Variants in ELMOD3 observed in about 807,000 individuals in gnomAD.
ELMOD3 encodes the protein ELMO domain containing 3.
A neutral mutation model predicts 47.4 loss-of-function variants in ELMOD3; 36 were observed. The ratio of observed to expected loss-of-function variants is 0.76; its 90% CI spans 0.58 to 1.00. The LOEUF (loss-of-function observed/expected upper bound fraction) is 1.00. Ranked by LOEUF, ELMOD3 falls within the 50% of genes least tolerant of loss-of-function variation. The pLI is 0.00. For synonymous variants in ELMOD3, 149 were observed against 183.5 expected, an observed-to-expected ratio of 0.81 and a Z score of 1.52; for missense variants, 404 against 463.8, an observed-to-expected ratio of 0.87 and a Z score of 1.18.
At chr2:85,356,671 A>C (rs1321003400) in intron 3 of ELMOD3, 1 of 152,406 alleles carries the variant, frequency 6.6e-6, no homozygotes, top group Non-Finnish European at 1.5e-5. Context: ...TCACGAGGTC[A>C]GGAGTTCAAG....
chr2:85,391,069 G>A lies in ELMOD3; in HGVS notation c.*107G>A, dbSNP rs76766109. On this transcript the variant is annotated 3_prime_UTR_variant, in exon 14 of 14. Transcript: ENST00000409013. ...GGCCGCACCCCTTGCTGTCTCAGCA[G>A]ATGGGATATAGGAAGCTCCTGGGCT... 2,077 of 1,136,510 alleles carry A rather than the reference G, an allele frequency of 1.8e-3. 26 individuals carry two copies. The African/African-American group carries it at 0.029, about 16-fold the overall frequency. 70.4% of individuals were successfully genotyped at this position (1,136,510 alleles called of 1,614,324 possible).
At position 85,377,823 on chromosome 2, in the gene ELMOD3, C is replaced by T. The variant is rs575823749; in HGVS notation, c.738+349C>T. 5.9e-5 allele frequency among the ~76,000 whole-genome samples: 9 copies of T among 152,294 alleles called. No individual in the cohort carries two copies. The South Asian group carries it at 8.3e-4, about 14-fold the overall frequency. On this transcript the variant is annotated intron_variant, in intron 11 of 13. Coordinates refer to ENST00000409013, the MANE Select transcript of ELMOD3 (RefSeq NM_001135022.2). The stretch of plus-strand genomic sequence containing the variant: ...GGTACACTCACTAGCAGTTTTGCCA[C>T]GAGAGTACACTGAATAAATGAGACA...
intron 11 of ELMOD3, among the ~76,000 whole-genome samples, chr2:85,387,818 A>G (rs1686047082): frequency 6.6e-6 from 1 of 152,166 alleles, no homozygotes; most frequent in Non-Finnish European, 1.5e-5. Context: ...GTATAGTTAT[A>G]CTTAACAGTT....
At chr2:85,355,689 G>T (rs1011554006) in intron 3 of ELMOD3, 91 bp downstream of exon 3, 1 of 152,154 alleles carries the variant, frequency 6.6e-6, no homozygotes, top group Non-Finnish European at 1.5e-5. Context: ...TACCATACCC[G>T]CCTGTCACCT....
intron 11 of ELMOD3, among the ~76,000 whole-genome samples, chr2:85,386,074 TC>T (rs1220766080): frequency 6.6e-6 from 1 of 152,034 alleles, no homozygotes; most frequent in African/African-American, 2.4e-5. Flanking sequence ...GCTTAGACTC[TC>T]CCCATCAGAA....
At chr2:85,371,826 G>C (rs1684813506) in intron 10 of ELMOD3, 1 of 350,126 alleles carries the variant, frequency 2.9e-6, no homozygotes, top group Non-Finnish European at 5.4e-6. Context: ...TTGAGGTCCT[G>C]AGTTCGAGAC....
At chr2:85,379,883 T>A (rs191520833) in intron 11 of ELMOD3, among the ~76,000 whole-genome samples, 2 of 152,270 alleles carry the variant, frequency 1.3e-5, no homozygotes, top group African/African-American at 4.8e-5. Context: ...GTTGGGTGAA[T>A]TTCCTCTCCT....
At chr2:85,362,982 C>G in intron 5 of ELMOD3, 115 bp from the exon 6 acceptor site, 1 of 667,106 alleles carries the variant, frequency 1.5e-6, no homozygotes, top group South Asian at 1.7e-5. Flanking sequence ...TCAGGGCACA[C>G]TAGGTCCTTT....
chr2:85,357,500 T>C lies in ELMOD3; in HGVS notation c.54+248T>C, dbSNP rs1004412065. 2.2e-5 allele frequency: 8 copies of C among 360,156 alleles called. No individual in the cohort carries two copies. The Admixed American group carries it at 3.7e-4, about 17-fold the overall frequency. 22.3% of individuals were successfully genotyped at this position (360,156 alleles called of 1,614,324 possible). ...TAGTGGGGAGAATTTCATTGAGGAA[T>C]CACCCAAGAAATCTGTATTTCATTG... On this transcript the variant is annotated intron_variant, in intron 4 of 13. Coordinates refer to ENST00000409013, the MANE Select transcript of ELMOD3 (RefSeq NM_001135022.2).
intron 11 of ELMOD3, among the ~76,000 whole-genome samples, chr2:85,385,314 G>A (rs1685849671): frequency 6.6e-6 from 1 of 152,198 alleles, no homozygotes; most frequent in African/African-American, 2.4e-5. Flanking sequence ...CAACAAGGCT[G>A]TTTATTTCAC....
At position 85,390,813 on chromosome 2, in the gene ELMOD3, C is replaced by T. The variant is rs1025465234; in HGVS notation, c.997C>T (p.Leu333=). The change falls in exon 14 of 14, where the codon CTG becomes TTG. Residue 333 remains leucine, a synonymous_variant. Transcript: ENST00000409013. ...ACGGCGGCTGCTCAAGACCCTGGAG[C>T]TGTACTTGGCCAGGGTGTCAAAGGG... ...SPRRLLKTLE[L]YLARVSKGQA... is the part of the protein sequence containing the mutation. 10 of 1,551,512 alleles carry T rather than the reference C, an allele frequency of 6.4e-6. No individual in the cohort carries two copies. The Admixed American group carries it at 1.8e-4, about 27-fold the overall frequency.
chr2:85,377,624 T>C (rs1685254709), intron 11 of ELMOD3, 150 bp downstream of exon 11: 5 of 733,052 alleles, frequency 6.8e-6, no homozygotes, highest in Non-Finnish European at 8.1e-6. Context: ...GTACCGCTCA[T>C]TAGCTGTGTA....
intron 11 of ELMOD3, among the ~76,000 whole-genome samples, chr2:85,388,979 T>G (rs1686125665): frequency 6.6e-6 from 1 of 152,210 alleles, no homozygotes; most frequent in Admixed American, 6.5e-5. Flanking sequence ...CAGGGGAAAA[T>G]AACATGTCAT....
At chr2:85,358,253 TG>T (rs1158436455) in intron 4 of ELMOD3, among the ~76,000 whole-genome samples, 7 of 133,286 alleles carry the variant, frequency 5.3e-5, no homozygotes, top group African/African-American at 2.0e-4. Context: ...CACTCCAGCC[TG>T]GGTGACCAAG....
Position 85,389,766 on chromosome 2 carries a change from T to C in ELMOD3, c.754T>C (p.Leu252=). ...RHHIQQFPFC[L]MSVNITHIAI... Reference sequence around the variant, plus strand: ...TCCATTCCAGCAATTCCCTTTCTGTTTGATGTCCGTGAACATCACCCACAT... The same window carrying C: ...TCCATTCCAGCAATTCCCTTTCTGTCTGATGTCCGTGAACATCACCCACAT... The change falls in exon 12 of 14, where the codon TTG becomes CTG. Residue 252 remains leucine (L), a synonymous_variant. Transcript: ENST00000409013. 1 of 1,614,142 alleles carries C rather than the reference T, an allele frequency of 6.2e-7. No homozygotes were observed. The highest frequency in any genetic ancestry group is 1.3e-5 in the African/African-American group (1 of 75,048).
At position 85,391,127 on chromosome 2, in the gene ELMOD3, T is replaced by G. The variant is rs1686325223; in HGVS notation, c.*165T>G. On this transcript the variant is annotated 3_prime_UTR_variant, in exon 14 of 14. Transcript: ENST00000409013. ...GGGAAGCCAAGTACCCTCACCGGCATGGGACATGAGGGGCAGCTAGACTTC... is the reference window on the plus strand; with the variant it reads ...GGGAAGCCAAGTACCCTCACCGGCAGGGGACATGAGGGGCAGCTAGACTTC... 3.0e-6 allele frequency: 2 copies of G among 667,550 alleles called. No homozygotes were observed. Among genetic ancestry groups the G allele is most frequent in the Admixed American group, 5.9e-5 (2 of 33,772 alleles). The allele number at this position is 667,550 out of a possible 1,614,324, so 41.4% of individuals were successfully genotyped here. A position where few individuals can be genotyped will look rare whatever the true frequency, so the allele number is the denominator to read the frequency against.
intron 6 of ELMOD3, among the ~76,000 whole-genome samples, chr2:85,365,420 G>A (rs571058199): frequency 1.3e-5 from 2 of 152,040 alleles, no homozygotes; most frequent in East Asian, 3.9e-4. Flanking sequence ...GACTCAATTG[G>A]CAGTGCTCTT....
intron 6 of ELMOD3, among the ~76,000 whole-genome samples, chr2:85,366,124 A>ATTTTTTTTTTTTT (rs566714087): frequency 7.4e-6 from 1 of 135,610 alleles, no homozygotes. Flanking sequence ...TACCCAGCTA[A>ATTTTTTTTTTTTT]TTTTTTTTTT....
chr2:85,378,827 C>T (rs1000657170), intron 11 of ELMOD3, among the ~76,000 whole-genome samples: 1 of 152,180 alleles, frequency 6.6e-6, no homozygotes, highest in Non-Finnish European at 1.5e-5. Flanking sequence ...TCTTAGGTTT[C>T]ATCTGATCTC....
Sources: gnomAD v4.1 joint callset for allele counts (sites outside exome capture counted in the v4.1 genomes callset) on GRCh38, gnomAD v4.1.1 for gene constraint, MANE v1.5 for transcripts, NCBI Gene and HGNC (gene_info 2026-07-23, HGNC 2026-07-21) for gene names.